Variants in MTUS1 observed in about 807,000 individuals in gnomAD.
MTUS1 encodes microtubule-associated tumor suppressor 1.
Under a neutral mutation model 120.8 loss-of-function variants are expected in MTUS1, and 109 were observed. The ratio of observed to expected loss-of-function variants is 0.90; its 90% CI spans 0.77 to 1.06. The LOEUF is 1.06. Ranked by LOEUF, MTUS1 falls within the 50% of genes least tolerant of loss-of-function variation. The pLI, the probability that MTUS1 is intolerant of heterozygous loss-of-function variation, is 0.00. For synonymous variants in MTUS1, 737 were observed against 550.5 expected (o/e 1.34, Z -4.74); for missense variants, 2,210 against 1,486.3 (o/e 1.49, Z -8.01).
At chr8:17,722,396 T>C (rs1027458175) in intron 4 of MTUS1, 43 of 984,386 alleles carry the variant, frequency 4.4e-5, no homozygotes, top group Middle Eastern at 5.2e-4. Context: ...CAAAGAGAGC[T>C]TAAAATAATA....
At chr8:17,654,909 C>T (rs757272290) in intron 9 of MTUS1, 47 of 523,290 alleles carry the variant, frequency 9.0e-5, no homozygotes, top group Admixed American at 3.9e-4. Flanking sequence ...GGCAATGTCG[C>T]GAGACTCTGT....
chr8:17,667,898 G>A (rs565500380), intron 8 of MTUS1, among the ~76,000 whole-genome samples: 2 of 152,236 alleles, frequency 1.3e-5, no homozygotes, highest in South Asian at 2.1e-4. Context: ...CCAAACACAC[G>A]ATGTTGTTAT....
chr8:17,793,945 C>T (rs2052007183), intron 1 of MTUS1, among the ~76,000 whole-genome samples: 1 of 152,172 alleles, frequency 6.6e-6, no homozygotes, highest in African/African-American at 2.4e-5. Context: ...TCTCTGACTC[C>T]TCCAAGAAAA....
intron 1 of MTUS1, among the ~76,000 whole-genome samples, chr8:17,758,504 A>C (rs75557744): frequency 0.014 from 2,135 of 152,384 alleles, 55 homozygotes; most frequent in African/African-American, 0.049. Flanking sequence ...CCTTAATAAA[A>C]GCTTTTATGA....
intron 6 of MTUS1, among the ~76,000 whole-genome samples, chr8:17,695,132 A>G (rs1817698841): frequency 6.6e-6 from 1 of 152,184 alleles, no homozygotes; most frequent in African/African-American, 2.4e-5. Context: ...CACTTGACGG[A>G]CGATTTCTCG....
chr8:17,672,967 G>A (rs1012876835), intron 8 of MTUS1, among the ~76,000 whole-genome samples: 5 of 152,204 alleles, frequency 3.3e-5, no homozygotes, highest in African/African-American at 1.2e-4. Flanking sequence ...CAGAGCGAAT[G>A]GGCACAGTGT....
intron 3 of MTUS1, among the ~76,000 whole-genome samples, chr8:17,739,788 T>C (rs2047179867): frequency 6.6e-6 from 1 of 152,260 alleles, no homozygotes; most frequent in Non-Finnish European, 1.5e-5. Flanking sequence ...TGTGAGCTGC[T>C]ATCATTGACA....
Position 17,705,955 on chromosome 8 carries a change from T to G in MTUS1, c.2623+7259A>C, listed in dbSNP as rs182903169. ...AGTATTCTGTGGTATGTGTGACATC[T>G]TCCTTATCAGCAGTAAGCCAAGATT... is the stretch of plus-strand genomic sequence containing the variant. On this transcript the variant is annotated intron_variant, in intron 6 of 14. Coordinates refer to ENST00000693296, the MANE Select transcript of MTUS1 (RefSeq NM_001363059.2). The G allele has an allele frequency of 1.8e-4, 28 of 152,320 alleles. No individual in the cohort carries two copies. In the East Asian group the frequency reaches 5.4e-3, roughly 29 times the overall value. The allele number at this position is 152,320 out of a possible 1,614,324, so 9.4% of individuals were successfully genotyped here.
chr8:17,720,491 G>A (rs1238334491), intron 4 of MTUS1, among the ~76,000 whole-genome samples: 2 of 152,202 alleles, frequency 1.3e-5, no homozygotes, highest in East Asian at 3.8e-4. Context: ...GTCTCCTTCT[G>A]TTCCTTCCAT....
At chr8:17,725,571 T>C (rs987190534) in intron 3 of MTUS1, among the ~76,000 whole-genome samples, 25 of 152,174 alleles carry the variant, frequency 1.6e-4, no homozygotes, top group South Asian at 2.1e-4. Flanking sequence ...CTTTATATCA[T>C]TGTCTAAACT....
chr8:17,656,452 C>T (rs894455359), intron 8 of MTUS1, among the ~76,000 whole-genome samples: 5 of 151,266 alleles, frequency 3.3e-5, no homozygotes, highest in East Asian at 2.0e-4. Context: ...TGCTTGAACC[C>T]GGGAGGCGGA....
intron 7 of MTUS1, among the ~76,000 whole-genome samples, chr8:17,683,079 T>C (rs1241869272): frequency 3.9e-5 from 6 of 152,192 alleles, no homozygotes; most frequent in African/African-American, 1.4e-4. Context: ...GAGACCATCC[T>C]GCCTAACACA....
At chr8:17,730,109 T>C (rs1420919461) in intron 3 of MTUS1, among the ~76,000 whole-genome samples, 1 of 152,008 alleles carries the variant, frequency 6.6e-6, no homozygotes, top group African/African-American at 2.4e-5. Flanking sequence ...GGAAATGGTA[T>C]GGTGGTTCCT....
chr8:17,664,420 T>G (rs1418814518), intron 8 of MTUS1, among the ~76,000 whole-genome samples: 2 of 151,518 alleles, frequency 1.3e-5, no homozygotes, highest in Non-Finnish European at 2.9e-5. Context: ...TCCCAGACGC[T>G]CTGGCCAGCC....
At chr8:17,666,147 G>A (rs1057342676) in intron 8 of MTUS1, among the ~76,000 whole-genome samples, 6 of 126,878 alleles carry the variant, frequency 4.7e-5, no homozygotes, top group Non-Finnish European at 9.5e-5. Flanking sequence ...GTGTATAAAC[G>A]AACACATTTA....
intron 13 of MTUS1, among the ~76,000 whole-genome samples, chr8:17,648,581 A>G (rs1806316859): frequency 6.6e-6 from 1 of 152,312 alleles, no homozygotes; most frequent in South Asian, 2.1e-4. Flanking sequence ...CCCATTAACA[A>G]CCATGAGTTC....
intron 1 of MTUS1, among the ~76,000 whole-genome samples, chr8:17,766,470 T>C (rs532981909): frequency 6.6e-6 from 1 of 152,366 alleles, no homozygotes; most frequent in South Asian, 2.1e-4. Flanking sequence ...TTGACTGGAA[T>C]AACTGTTGCA....
intron 4 of MTUS1, among the ~76,000 whole-genome samples, chr8:17,719,760 T>C (rs2131077012): frequency 6.6e-6 from 1 of 152,198 alleles, no homozygotes; most frequent in East Asian, 1.9e-4. Flanking sequence ...GGTGAGACAA[T>C]ATTCACTTCC....
At chr8:17,786,325 G>A (rs10099836) in intron 1 of MTUS1, among the ~76,000 whole-genome samples, 63 of 151,806 alleles carry the variant, frequency 4.2e-4, no homozygotes, top group Middle Eastern at 6.8e-3. Context: ...GTGCCTGGCA[G>A]CAGACAGTCC....
Sources: allele counts gnomAD v4.1 joint callset (sites outside exome capture counted in the v4.1 genomes callset), GRCh38; gene constraint gnomAD v4.1.1; transcripts MANE v1.5; gene names NCBI Gene and HGNC (gene_info 2026-07-23, HGNC 2026-07-21).